Variants in LEPR observed in about 807,000 individuals in gnomAD.
LEPR encodes the protein OB receptor.
In LEPR, 56 loss-of-function variants were observed where a neutral mutation model predicts 114.7. The observed-to-expected ratio is 0.49, with a 90% CI of 0.39 to 0.61. The LOEUF (loss-of-function observed/expected upper bound fraction) is 0.61, where lower values mean the gene tolerates loss of function less well. Ranked by LOEUF, LEPR falls within the 20% of genes least tolerant of loss-of-function variation. The probability of loss-of-function intolerance (pLI) is 0.00; values close to 1 mark genes in which losing one functional copy is unlikely to be tolerated. For missense variants in LEPR, 1,202 were observed against 1,352.9 expected, an observed-to-expected ratio of 0.89 and a Z score of 1.75; for synonymous variants, 443 against 461.4, an observed-to-expected ratio of 0.96 and a Z score of 0.51.
intron 5 of LEPR, among the ~76,000 whole-genome samples, chr1:65,586,943 A>C (rs1655355575): frequency 6.6e-6 from 1 of 152,114 alleles, no homozygotes; most frequent in African/African-American, 2.4e-5. Flanking sequence ...AATGAAAAAG[A>C]GATTGAATAA....
rs147607576 is a variant in LEPR, at chr1:65,473,635, G to A, written c.-21+48257G>A. 8.4e-3 allele frequency among the ~76,000 whole-genome samples: 1,280 copies of A among 152,254 alleles called. 17 individuals are homozygous for A. Among genetic ancestry groups the A allele is most frequent in the African/African-American group, 0.03 (1,232 of 41,544 alleles). ...ACATTCATTAGCTGTCAGATTCGGG[G>A]CATTTTATCTAACTTCTCAAATTAT... On this transcript the variant is annotated intron_variant, in intron 2 of 19. Coordinates refer to ENST00000349533, the MANE Select transcript of LEPR (RefSeq NM_002303.6).
In LEPR at chr1:65,510,579, C is replaced by T. The variant is rs193060269; in HGVS notation, c.-20-54967C>T. Among the ~76,000 whole-genome samples, 154 of 152,214 alleles carry T rather than the reference C, an allele frequency of 1.0e-3. No homozygotes were observed. The Middle Eastern group carries it at 0.014, about 13-fold the overall frequency. On this transcript the variant is annotated intron_variant, in intron 2 of 19. Transcript: ENST00000349533. ...GTGTTTCCACCAGTACTTTATTTAC[C>T]CCATAACCCTCATCTATTCATTGGC... is the stretch of plus-strand genomic sequence containing the variant.
intron 2 of LEPR, among the ~76,000 whole-genome samples, chr1:65,455,044 C>A (rs1273048153): frequency 6.6e-6 from 1 of 152,190 alleles, no homozygotes; most frequent in East Asian, 1.9e-4. Context: ...CATCTTCCAT[C>A]GCTGATACCC....
At chr1:65,496,394 G>A (rs568389524) in intron 2 of LEPR, among the ~76,000 whole-genome samples, 30 of 152,168 alleles carry the variant, frequency 2.0e-4, no homozygotes, top group African/African-American at 5.5e-4. Flanking sequence ...GCAAGTTGGC[G>A]AAACCCTGTC....
At chr1:65,506,980 ACT>A (rs1164479132) in intron 2 of LEPR, among the ~76,000 whole-genome samples, 4 of 151,630 alleles carry the variant, frequency 2.6e-5, no homozygotes, top group African/African-American at 9.7e-5. Context: ...CCACCTTTTT[ACT>A]CTCTGTTTCT....
At chr1:65,593,945 A>G (rs1655875023) in intron 6 of LEPR, among the ~76,000 whole-genome samples, 1 of 152,066 alleles carries the variant, frequency 6.6e-6, no homozygotes, top group South Asian at 2.1e-4. Flanking sequence ...TGTTTTTCAA[A>G]ATGAAGTAGG....
At chr1:65,597,775 A>T (rs1656165580) in intron 7 of LEPR, among the ~76,000 whole-genome samples, 1 of 152,172 alleles carries the variant, frequency 6.6e-6, no homozygotes, top group Non-Finnish European at 1.5e-5. Context: ...TGGCAAAAAA[A>T]TTTAAAACAT....
chr1:65,500,561 C>A (rs985748709), intron 2 of LEPR, among the ~76,000 whole-genome samples: 5 of 152,144 alleles, frequency 3.3e-5, no homozygotes, highest in African/African-American at 1.2e-4. Context: ...TATGATGATC[C>A]ATTTCCACTT....
rs546810127 is a variant in LEPR at position 65,629,493 on chromosome 1, T to C, written c.2673+6512T>C. The C allele has an allele frequency of 4.0e-5, 8 of 198,080 alleles. No individual in the cohort carries two copies. The South Asian group carries it at 5.6e-4, about 14-fold the overall frequency. 12.3% of individuals were successfully genotyped at this position (198,080 alleles called of 1,614,324 possible). On this transcript the variant is annotated intron_variant, in intron 19 of 19. Coordinates refer to ENST00000349533, the MANE Select transcript of LEPR (RefSeq NM_002303.6). ...TGATTACACTTCTCAGTGGTTCCGA[T>C]GTCAAAGGGGAATTTTTTAAAAAAT...
chr1:65,626,379 A>T, intron 19 of LEPR: 2 of 1,166,288 alleles, frequency 1.7e-6, no homozygotes, highest in Non-Finnish European at 2.2e-6. Context: ...CTGATTTTTT[A>T]AAAATCTCTG....
intron 19 of LEPR, chr1:65,634,273 A>T: frequency 1.0e-6 from 1 of 981,262 alleles, no homozygotes; most frequent in Non-Finnish European, 1.2e-6. Context: ...GTTTTATTTG[A>T]AAGTAGAAAA....
At chr1:65,466,410 G>A (rs1647013644) in intron 2 of LEPR, among the ~76,000 whole-genome samples, 1 of 152,178 alleles carries the variant, frequency 6.6e-6, no homozygotes. Flanking sequence ...AGTCTGATGG[G>A]CTTCTCTTTG....
chr1:65,447,926 T>A (rs370672941), intron 2 of LEPR, among the ~76,000 whole-genome samples: 1 of 152,230 alleles, frequency 6.6e-6, no homozygotes, highest in East Asian at 1.9e-4. Context: ...CTGTTGTTTA[T>A]TCTTTTGGAT....
At chr1:65,423,901 C>T (rs934220594) in intron 1 of LEPR, among the ~76,000 whole-genome samples, 1 of 152,138 alleles carries the variant, frequency 6.6e-6, no homozygotes, top group African/African-American at 2.4e-5. Context: ...TGAGTAGATA[C>T]CTGAGTCAGT....
chr1:65,598,651 AT>A lies in LEPR; in HGVS notation c.850-6del. ...TGATGTTCTGATGTTTTAATATAAT[AT>A]TTAACAGGCTGACAAGATTGTCTCA... is the stretch of plus-strand genomic sequence containing the variant. On this transcript the variant is annotated splice_region_variant and splice_polypyrimidine_tract_variant and intron_variant, in intron 7 of 19. Transcript: ENST00000349533. 6.2e-7 allele frequency: 1 copy of A among 1,612,678 alleles called. No homozygotes were observed. The highest frequency in any genetic ancestry group is 1.3e-5 in the African/African-American group (1 of 74,986).
chr1:65,493,554 G>C (rs1030631901), intron 2 of LEPR, among the ~76,000 whole-genome samples: 1 of 151,860 alleles, frequency 6.6e-6, no homozygotes, highest in African/African-American at 2.4e-5. Flanking sequence ...ATTCTTAATT[G>C]TGGCAAAAGA....
At chr1:65,624,635 C>G (rs1024576476) in intron 19 of LEPR, among the ~76,000 whole-genome samples, 1 of 152,158 alleles carries the variant, frequency 6.6e-6, no homozygotes, top group Admixed American at 6.5e-5. Context: ...ATGAAAGATA[C>G]GCAAAGCAGC....
intron 2 of LEPR, among the ~76,000 whole-genome samples, chr1:65,555,542 T>G (rs1652756265): frequency 1.3e-5 from 2 of 152,230 alleles, no homozygotes; most frequent in Admixed American, 1.3e-4. Context: ...TATACTTGTA[T>G]CTGGTCTGTA....
At chr1:65,548,458 T>A (rs1341410316) in intron 2 of LEPR, among the ~76,000 whole-genome samples, 3 of 152,132 alleles carry the variant, frequency 2.0e-5, no homozygotes, top group Non-Finnish European at 4.4e-5. Context: ...TCTTTGTAGG[T>A]CACTCAGGAC....
Sources: allele counts gnomAD v4.1 joint callset (sites outside exome capture counted in the v4.1 genomes callset), GRCh38; gene constraint gnomAD v4.1.1; transcripts MANE v1.5; gene names NCBI Gene and HGNC (gene_info 2026-07-23, HGNC 2026-07-21).